Variants in A2ML1 observed in about 807,000 individuals in gnomAD.
The protein encoded by A2ML1 is alpha-2-macroglobulin-like protein 1.
In A2ML1, 161 loss-of-function variants were observed where a neutral mutation model predicts 181.9. The ratio of observed to expected loss-of-function variants is 0.89; its 90% CI spans 0.78 to 1.01. The LOEUF (loss-of-function observed/expected upper bound fraction) is 1.01. Ranked by LOEUF, A2ML1 falls within the 50% of genes least tolerant of loss-of-function variation. The pLI is 0.00. For synonymous variants in A2ML1, 663 were observed against 666.8 expected (o/e 0.99, Z 0.09); for missense variants, 1,670 against 1,768.1 (o/e 0.94, Z 1.00).
Position 8,850,215 on chromosome 12 carries a change from G to A in A2ML1, c.2175G>A (p.Glu725=), listed in dbSNP as rs906893608. 6.2e-7 allele frequency: 1 copy of A among 1,613,420 alleles called. No individual in the cohort carries two copies. ...FESSTPLHQA[E]DSQVRQYFPE... is the part of the protein sequence containing the mutation. ...CATCAACTCCTTTACATCAAGCAGA[G>A]GATTCTCAGGTCCGCCAGTACTTCC... The change falls in exon 18 of 36, where the codon GAG becomes GAA. Residue 725 remains glutamate (E), a synonymous_variant. Coordinates refer to ENST00000299698, the MANE Select transcript of A2ML1 (RefSeq NM_144670.6).
chr12:8,872,519 T>C (rs939498032), intron 33 of A2ML1, among the ~76,000 whole-genome samples: 2 of 152,038 alleles, frequency 1.3e-5, no homozygotes, highest in Admixed American at 6.5e-5. Context: ...TGGTGGCTCA[T>C]GCCTGTAATC....
rs7136690 is a variant in A2ML1, at chr12:8,850,431, T to A, written c.2234+157T>A. Among the ~76,000 whole-genome samples the A allele has an allele frequency of 0.2, 31,051 of 151,814 alleles. 4,000 individuals are homozygous for A. The highest frequency in any genetic ancestry group is 0.35 in the African/African-American group (14,399 of 41,384). The stretch of plus-strand genomic sequence containing the variant: ...GAGCTTCTGTCTCTACAAAAGAAAT[T>A]AAAAAAATAGCCAGATGGTAGTTGT... On this transcript the variant is annotated intron_variant, in intron 18 of 35. Coordinates refer to ENST00000299698, the MANE Select transcript of A2ML1 (RefSeq NM_144670.6).
At chr12:8,849,840 C>G in intron 17 of A2ML1, 81 bp downstream of exon 17, 1 of 1,321,958 alleles carries the variant, frequency 7.6e-7, no homozygotes, top group East Asian at 2.3e-5. Context: ...GCCTCCTGTT[C>G]TTGCACTGAG....
chr12:8,854,152 C>G lies in A2ML1; in HGVS notation c.2615C>G (p.Thr872Arg). The G allele has an allele frequency of 6.2e-7, 1 of 1,602,668 alleles. No homozygotes were observed. Among genetic ancestry groups the G allele is most frequent in the Non-Finnish European group, 8.5e-7 (1 of 1,174,290 alleles). Residue 872 changes from threonine (T) to arginine (R), a missense_variant, in exon 21 of 36, where the codon ACA becomes AGA. Physicochemically the swap from Thr to Arg is moderately conservative, Grantham distance 71. Coordinates refer to ENST00000299698, the MANE Select transcript of A2ML1 (RefSeq NM_144670.6). ...GGTCACATTAACTTTACTATTAGTA[C>G]AAAGATTCTGGACAGCAATGAACCA... ...KLGHINFTISTKILDSNEPCG... is the reference protein window; with the variant it reads ...KLGHINFTISRKILDSNEPCG...
Position 8,843,135 on chromosome 12 carries a change from G to A in A2ML1, c.1250G>A (p.Gly417Glu). ...TCTCTCTCTCTCTTTTATTCTCAGG[G>A]AAAGTTTCAAATGGAAGACTTAGTA... ...GWNGTDVSLE[G>E]KFQMEDLVYN... The change falls in exon 12 of 36, where the codon GGA (glycine) becomes GAA (glutamate). Residue 417 changes from glycine to glutamate, a missense_variant and splice_region_variant. Gly to Glu is a moderately conservative substitution (Grantham distance 98, BLOSUM62 -2). Coordinates refer to ENST00000299698, the MANE Select transcript of A2ML1 (RefSeq NM_144670.6). 1 of 1,613,774 alleles carries A rather than the reference G, an allele frequency of 6.2e-7. No homozygotes were observed.
At position 8,841,366 on chromosome 12, in the gene A2ML1, C is replaced by A; in HGVS notation, c.1081-3C>A. The A allele has an allele frequency of 5.0e-6, 8 of 1,613,332 alleles. No homozygotes were observed. The highest frequency in any genetic ancestry group is 6.8e-6 in the Non-Finnish European group (8 of 1,179,726). On this transcript the variant is annotated splice_region_variant and splice_polypyrimidine_tract_variant and intron_variant, in intron 10 of 35. Transcript: ENST00000299698. ...CTAATCCGTAATGATCTTTGTCCTTCAGATAAGAGTTAGGGGCCATGATGA... is the reference window on the plus strand; with the variant it reads ...CTAATCCGTAATGATCTTTGTCCTTAAGATAAGAGTTAGGGGCCATGATGA...
intron 33 of A2ML1, among the ~76,000 whole-genome samples, chr12:8,874,054 C>T (rs968635585): frequency 2.6e-5 from 4 of 151,992 alleles, no homozygotes; most frequent in Non-Finnish European, 4.4e-5. Context: ...CTCGCTCTGT[C>T]GCCCAGGCTG....
At chr12:8,858,362 C>G (rs997007079) in intron 26 of A2ML1, 2 of 325,504 alleles carry the variant, frequency 6.1e-6, no homozygotes. Context: ...GCGGGCAGAT[C>G]GTTTGGGCCC....
At chr12:8,834,039 C>G (rs998500891) in intron 4 of A2ML1, among the ~76,000 whole-genome samples, 1 of 151,956 alleles carries the variant, frequency 6.6e-6, no homozygotes, top group Non-Finnish European at 1.5e-5. Context: ...TCTCTCTGAG[C>G]CCCTCTCCTG....
At chr12:8,858,264 T>C in intron 26 of A2ML1, 162 bp downstream of exon 26, 1 of 789,306 alleles carries the variant, frequency 1.3e-6, no homozygotes, top group South Asian at 2.2e-5. Flanking sequence ...GGTCTGGGCC[T>C]CAGTTTTCAT....
At chr12:8,858,591 GAA>G (rs1944153307) in intron 26 of A2ML1, among the ~76,000 whole-genome samples, 1 of 152,058 alleles carries the variant, frequency 6.6e-6, no homozygotes, top group South Asian at 2.1e-4. Context: ...GCCTCAAAAA[GAA>G]AAAGAGAATG....
intron 32 of A2ML1, 76 bp from the exon 33 acceptor site, chr12:8,869,059 A>G: frequency 7.1e-7 from 1 of 1,414,280 alleles, no homozygotes; most frequent in South Asian, 1.2e-5. Context: ...TTCCTTGATC[A>G]TGGCAGAGCT....
intron 12 of A2ML1, among the ~76,000 whole-genome samples, chr12:8,844,248 G>A (rs1293557393): frequency 6.6e-6 from 1 of 150,842 alleles, no homozygotes; most frequent in Non-Finnish European, 1.5e-5. Context: ...GGGGAGGGAT[G>A]GGACTCAGGA....
chr12:8,834,850 C>T (rs1277866709), intron 5 of A2ML1, 168 bp downstream of exon 5: 1 of 689,478 alleles, frequency 1.5e-6, no homozygotes, highest in Non-Finnish European at 2.4e-6. Context: ...GCTTTCTTGC[C>T]TCTGCCCTCC....
At chr12:8,854,866 T>A (rs145219659) in intron 22 of A2ML1, 35 bp downstream of exon 22, 2 of 1,609,322 alleles carry the variant, frequency 1.2e-6, no homozygotes, top group Non-Finnish European at 1.7e-6. Flanking sequence ...GTGGTGAGAA[T>A]TCCCTTAGAG....
chr12:8,877,910 A>G (rs1200812776), downstream of A2ML1, among the ~76,000 whole-genome samples: 1 of 152,196 alleles, frequency 6.6e-6, no homozygotes, highest in Non-Finnish European at 1.5e-5. Flanking sequence ...ACTATTCACA[A>G]TAGCAAAGAC....
At chr12:8,829,385 G>A (rs919340871) in intron 3 of A2ML1, among the ~76,000 whole-genome samples, 7 of 152,174 alleles carry the variant, frequency 4.6e-5, no homozygotes, top group Non-Finnish European at 7.4e-5. Flanking sequence ...GCAGGAGGCG[G>A]AGCGCGGTGG....
Position 8,863,828 on chromosome 12 carries a change from A to G in A2ML1, c.3537A>G (p.Pro1179=). The G allele has an allele frequency of 6.2e-7, 1 of 1,614,200 alleles. No homozygotes were observed. The highest frequency in any genetic ancestry group is 2.2e-5 in the East Asian group (1 of 44,880). Residue 1179 remains proline, a synonymous_variant, in exon 29 of 36, where the codon CCA becomes CCG. Transcript: ENST00000299698. ...TTTACTGGAGCCAGAAACCTACTCC[A>G]TCATCGAACGCCAGCCCTTGGTCTG... is the stretch of plus-strand genomic sequence containing the variant. ...ESIYWSQKPT[P]SSNASPWSEP...
chr12:8,844,261 CTT>C (rs376853548), intron 12 of A2ML1, among the ~76,000 whole-genome samples: 11 of 139,466 alleles, frequency 7.9e-5, no homozygotes, highest in Non-Finnish European at 1.1e-4. Context: ...ACTCAGGATA[CTT>C]TTTTTTTTTT....
Sources: allele counts gnomAD v4.1 joint callset (sites outside exome capture counted in the v4.1 genomes callset), GRCh38; gene constraint gnomAD v4.1.1; transcripts MANE v1.5; gene names NCBI Gene and HGNC (gene_info 2026-07-23, HGNC 2026-07-21).